Variants in PPP1R12A observed in about 807,000 individuals in gnomAD.
PPP1R12A encodes the protein protein phosphatase 1 regulatory subunit 12A, also known as myosin binding subunit.
Under a neutral mutation model 139.6 loss-of-function variants are expected in PPP1R12A, and 19 were observed. That is an observed-to-expected ratio of 0.14 (90% confidence interval 0.09 to 0.20). PPP1R12A has a LOEUF of 0.20. Ranked by LOEUF, PPP1R12A falls within the 10% of genes least tolerant of loss-of-function variation. The probability of loss-of-function intolerance (pLI) is 1.00; values close to 1 mark genes in which losing one functional copy is unlikely to be tolerated. For synonymous variants in PPP1R12A, 427 were observed against 420.6 expected (o/e 1.02, Z -0.19); for missense variants, 925 against 1,211.5 (o/e 0.76, Z 3.51).
At chr12:79,816,653 GGAGAACAGACA>G (rs1361418883) in intron 9 of PPP1R12A, among the ~76,000 whole-genome samples, 15 of 152,168 alleles carry the variant, frequency 9.9e-5, no homozygotes, top group Middle Eastern at 6.8e-3. Flanking sequence ...TGAGAGGGAT[GGAGAACAGACA>G]GAGAACAGAA....
chr12:79,906,706 C>T (rs558637160), intron 1 of PPP1R12A, among the ~76,000 whole-genome samples: 311 of 152,208 alleles, frequency 2.0e-3, no homozygotes, highest in Non-Finnish European at 3.4e-3. Context: ...TGCAGTGGCA[C>T]GATCTTGGCT....
chr12:79,792,812 T>C (rs528649342), intron 19 of PPP1R12A, among the ~76,000 whole-genome samples: 3 of 152,220 alleles, frequency 2.0e-5, no homozygotes, highest in African/African-American at 7.2e-5. Flanking sequence ...CATAGGTAAA[T>C]TGGGGAGTTC....
At chr12:79,921,516 G>T (rs1322250859) in intron 1 of PPP1R12A, among the ~76,000 whole-genome samples, 1 of 152,128 alleles carries the variant, frequency 6.6e-6, no homozygotes, top group Admixed American at 6.5e-5. Flanking sequence ...CTTTCTCAGG[G>T]ATGTCTTCCA....
At chr12:79,835,937 A>G (rs1309526722) in intron 3 of PPP1R12A, among the ~76,000 whole-genome samples, 1 of 152,194 alleles carries the variant, frequency 6.6e-6, no homozygotes. Flanking sequence ...TTCCAAGACA[A>G]CTAAACTGCT....
chr12:79,800,540 A>C (rs2137038826), intron 14 of PPP1R12A, among the ~76,000 whole-genome samples: 1 of 152,274 alleles, frequency 6.6e-6, no homozygotes, highest in Middle Eastern at 3.4e-3. Flanking sequence ...CTATTAATTT[A>C]GATTAGGGGG....
rs756021369 is a variant in PPP1R12A, at chr12:79,820,845, C to CCTT, written c.1040_1042dup (p.Glu347dup). On this transcript the variant is annotated inframe_insertion, in exon 8 of 25. Coordinates refer to ENST00000450142, the MANE Select transcript of PPP1R12A (RefSeq NM_002480.3). ...AGAGCAGCTAGACTCATCCTTCTTTCCTTCTTCTTCTTCATCAACCTTTTC... is the reference window on the plus strand; with the variant it reads ...AGAGCAGCTAGACTCATCCTTCTTTCCTTCTTCTTCTTCTTCATCAACCTTTTC... 17 of 1,613,454 alleles carry CCTT rather than the reference C, an allele frequency of 1.1e-5. No homozygotes were observed. Among genetic ancestry groups the CCTT allele is most frequent in the Admixed American group, 3.3e-5 (2 of 60,000 alleles).
chr12:79,785,383 T>C (rs1870983714), intron 22 of PPP1R12A, among the ~76,000 whole-genome samples: 1 of 152,216 alleles, frequency 6.6e-6, no homozygotes, highest in Non-Finnish European at 1.5e-5. Context: ...AAAAAGGATC[T>C]GGTAACAAGT....
intron 1 of PPP1R12A, among the ~76,000 whole-genome samples, chr12:79,883,083 G>A (rs1883790442): frequency 6.6e-6 from 1 of 152,082 alleles, no homozygotes; most frequent in Non-Finnish European, 1.5e-5. Flanking sequence ...TTTACAGTGA[G>A]CCAAGATTGT....
intron 1 of PPP1R12A, among the ~76,000 whole-genome samples, chr12:79,900,345 G>A (rs530239548): frequency 7.9e-5 from 12 of 152,232 alleles, no homozygotes; most frequent in African/African-American, 2.9e-4. Context: ...ACATACAGAG[G>A]CAGCAAATAA....
intron 1 of PPP1R12A, among the ~76,000 whole-genome samples, chr12:79,879,796 T>C (rs1430136720): frequency 6.6e-6 from 1 of 152,006 alleles, no homozygotes; most frequent in Non-Finnish European, 1.5e-5. Context: ...GAGATATACA[T>C]ATGTGAAATT....
intron 1 of PPP1R12A, among the ~76,000 whole-genome samples, chr12:79,923,085 G>A (rs934522690): frequency 2.0e-5 from 3 of 151,998 alleles, no homozygotes; most frequent in African/African-American, 7.2e-5. Context: ...GACCAGCCTG[G>A]CCAACATGGT....
At chr12:79,920,766 T>C (rs962935648) in intron 1 of PPP1R12A, among the ~76,000 whole-genome samples, 3 of 152,230 alleles carry the variant, frequency 2.0e-5, no homozygotes, top group Non-Finnish European at 4.4e-5. Context: ...TACCCTGTGC[T>C]GCCTCAGGAC....
intron 6 of PPP1R12A, 65 bp from the exon 7 acceptor site, chr12:79,821,231 G>T: frequency 1.8e-6 from 2 of 1,121,474 alleles, no homozygotes; most frequent in Non-Finnish European, 2.6e-6. Flanking sequence ...AAGATGCAGA[G>T]TTTAAAATAA....
At chr12:79,815,690 G>GT (rs1875282055) in intron 9 of PPP1R12A, among the ~76,000 whole-genome samples, 1 of 152,164 alleles carries the variant, frequency 6.6e-6, no homozygotes. Flanking sequence ...AATTAAAGCA[G>GT]TTTATAGTGA....
intron 14 of PPP1R12A, among the ~76,000 whole-genome samples, chr12:79,803,416 A>G (rs145363513): frequency 1.3e-5 from 2 of 152,224 alleles, no homozygotes; most frequent in East Asian, 1.9e-4. Flanking sequence ...ACACTGACCT[A>G]CTGCATCTCT....
intron 15 of PPP1R12A, 53 bp downstream of exon 15, chr12:79,798,441 A>G: frequency 2.5e-6 from 3 of 1,201,342 alleles, no homozygotes; most frequent in Non-Finnish European, 3.5e-6. Flanking sequence ...GTGTGTATAT[A>G]TATTTTATAT....
At chr12:79,796,279 T>C (rs1001948782) in intron 17 of PPP1R12A, among the ~76,000 whole-genome samples, 1 of 152,040 alleles carries the variant, frequency 6.6e-6, no homozygotes, top group African/African-American at 2.4e-5. Flanking sequence ...TATAAAATAA[T>C]AGGAAATGGT....
chr12:79,778,960 G>A (rs1870079909), intron 23 of PPP1R12A: 4 of 234,614 alleles, frequency 1.7e-5, no homozygotes, highest in Non-Finnish European at 3.5e-5. Flanking sequence ...ATATTACAGT[G>A]ACAGAAGCAG....
At chr12:79,823,863 ATAGGTATGGGCC>A (rs1167962837) in intron 5 of PPP1R12A, 1 of 152,368 alleles carries the variant, frequency 6.6e-6, no homozygotes, top group African/African-American at 2.4e-5. Context: ...TGCTGGGATT[ATAGGTATGGGCC>A]ACTGTGCCCA....
Sources: allele counts gnomAD v4.1 joint callset (sites outside exome capture counted in the v4.1 genomes callset), GRCh38; gene constraint gnomAD v4.1.1; transcripts MANE v1.5; gene names NCBI Gene and HGNC (gene_info 2026-07-23, HGNC 2026-07-21).